The following MICAL3 variants were observed in gnomAD, a reference collection of about 807,000 sequenced individuals.
MICAL3 encodes [F-actin]-monooxygenase MICAL3.
MICAL3 carries 62 observed loss-of-function variants against 207.4 expected under a neutral mutation model. The observed-to-expected ratio is 0.30, with a 90% CI of 0.24 to 0.37. MICAL3 has a LOEUF of 0.37. Among genes scored for constraint, MICAL3 ranks in the 10% least tolerant of loss-of-function variants. The probability of loss-of-function intolerance (pLI) is 1.00; values close to 1 mark genes in which losing one functional copy is unlikely to be tolerated. For missense variants in MICAL3, 2,368 were observed against 2,635.6 expected (o/e 0.90, Z 2.22); for synonymous variants, 1,077 against 1,069.3 (o/e 1.01, Z -0.14).
In MICAL3 at chr22:18,020,613, T is replaced by TAAAAAAA. The variant is rs55654559; in HGVS notation, c.-75+3661_-75+3667dup. On this transcript the variant is annotated intron_variant, in intron 1 of 31. Transcript: ENST00000441493. ...AAAATGGCTGTAAACCTTTAAAAAG[T>TAAAAAAA]AAAAAAAAAAAAAAAAAAATAGGCT... Among the ~76,000 whole-genome samples, 1,193 of 119,664 alleles carry TAAAAAAA rather than the reference T, an allele frequency of 1.0e-2. 28 individuals carry two copies. The highest frequency in any genetic ancestry group is 0.017 in the Middle Eastern group (4 of 230). The allele number at this position is 119,664 out of a possible 152,430, so 78.5% of individuals were successfully genotyped here.
intron 19 of MICAL3, among the ~76,000 whole-genome samples, chr22:17,845,741 A>G (rs1473850842): frequency 1.3e-5 from 2 of 152,220 alleles, no homozygotes; most frequent in African/African-American, 4.8e-5. Context: ...TACAACAAGA[A>G]GAAAAACCAG....
At chr22:17,961,620 C>T (rs1029006433) in intron 1 of MICAL3, among the ~76,000 whole-genome samples, 6 of 152,212 alleles carry the variant, frequency 3.9e-5, no homozygotes, top group Non-Finnish European at 7.3e-5. Flanking sequence ...CTCCTGGAGT[C>T]CCCTTCCCAC....
At chr22:17,843,059 T>C (rs12160595) in intron 19 of MICAL3, among the ~76,000 whole-genome samples, 3,681 of 143,070 alleles carry the variant, frequency 0.026, 165 homozygotes, top group African/African-American at 0.091. Context: ...AGGCGGAGCT[T>C]GCAGTGAACC....
chr22:17,807,339 C>A (rs541315949), intron 29 of MICAL3, among the ~76,000 whole-genome samples: 2 of 152,206 alleles, frequency 1.3e-5, no homozygotes, highest in African/African-American at 4.8e-5. Context: ...CAGAGCAGGG[C>A]AGGGGGGCAG....
intron 20 of MICAL3, chr22:17,834,577 T>A: frequency 8.9e-7 from 1 of 1,128,854 alleles, no homozygotes. Context: ...AAAAATAAAT[T>A]AAAAATAACA....
intron 1 of MICAL3, among the ~76,000 whole-genome samples, chr22:17,988,418 C>A (rs377154407): frequency 9.9e-6 from 1 of 100,620 alleles, no homozygotes; most frequent in Admixed American, 1.1e-4. Flanking sequence ...CAGATCCAGC[C>A]TGCAGGCCAA....
At chr22:17,883,367 C>T (rs903696318) in intron 16 of MICAL3, among the ~76,000 whole-genome samples, 4 of 152,112 alleles carry the variant, frequency 2.6e-5, no homozygotes, top group Non-Finnish European at 5.9e-5. Flanking sequence ...ACATTTTTGC[C>T]TGAATGTAAG....
intron 1 of MICAL3, among the ~76,000 whole-genome samples, chr22:17,967,481 CACA>C (rs1569150667): frequency 3.0e-5 from 4 of 134,186 alleles, no homozygotes; most frequent in Non-Finnish European, 6.3e-5. Flanking sequence ...CACACACACA[CACA>C]CACACACACC....
At chr22:17,921,997 G>A (rs1375985150) in intron 1 of MICAL3, among the ~76,000 whole-genome samples, 1 of 152,030 alleles carries the variant, frequency 6.6e-6, no homozygotes, top group Non-Finnish European at 1.5e-5. Flanking sequence ...ACACTTTTAC[G>A]TGTTCCTCAC....
At chr22:17,929,543 A>AT (rs1190933999) in intron 1 of MICAL3, among the ~76,000 whole-genome samples, 3 of 123,134 alleles carry the variant, frequency 2.4e-5, no homozygotes, top group African/African-American at 9.0e-5. Context: ...GCTCTATTTC[A>AT]TTTTTCTTTC....
chr22:17,816,296 A>G (rs1172444318), intron 27 of MICAL3, among the ~76,000 whole-genome samples: 1 of 152,200 alleles, frequency 6.6e-6, no homozygotes, highest in African/African-American at 2.4e-5. Context: ...CTCTGTGCCT[A>G]AGGTCCCAGC....
chr22:17,981,080 G>T, intron 1 of MICAL3: 2 of 311,320 alleles, frequency 6.4e-6, no homozygotes, highest in South Asian at 2.6e-5. Flanking sequence ...ACATGTGCAT[G>T]TATTTATATG....
intron 19 of MICAL3, among the ~76,000 whole-genome samples, chr22:17,842,990 G>A (rs900307807): frequency 2.6e-5 from 4 of 151,846 alleles, no homozygotes; most frequent in African/African-American, 4.8e-5. Flanking sequence ...GCACGGTGGC[G>A]GGCGCCTGTA....
chr22:17,995,482 TTTTC>T (rs1396638469), intron 1 of MICAL3, among the ~76,000 whole-genome samples: 18 of 147,466 alleles, frequency 1.2e-4, no homozygotes, highest in East Asian at 4.0e-4. Context: ...GCACCCAGCC[TTTTC>T]TTTAATTTTT....
intron 1 of MICAL3, among the ~76,000 whole-genome samples, chr22:17,940,457 T>C (rs1933755259): frequency 6.6e-6 from 1 of 152,138 alleles, no homozygotes; most frequent in African/African-American, 2.4e-5. Flanking sequence ...ATAAGAAAAC[T>C]GATTCTGATG....
chr22:17,896,935 T>C lies in MICAL3; in HGVS notation c.995A>G (p.Gln332Arg), dbSNP rs770808223. ...ELLLSRENVD[Q>R]EALLSYAREA... Reference sequence around the variant, plus strand: ...CCTGGCATAGCTGAGCAGAGCCTCCTGGTCCACGTTTTCTCGGGAAAGCAG... The same window carrying C: ...CCTGGCATAGCTGAGCAGAGCCTCCCGGTCCACGTTTTCTCGGGAAAGCAG... Residue 332 changes from glutamine to arginine, a missense_variant, in exon 8 of 32, where the codon CAG becomes CGG. Gln to Arg is a conservative substitution (Grantham distance 43). Coordinates refer to ENST00000441493, the MANE Select transcript of MICAL3 (RefSeq NM_015241.3). 4 of 1,613,794 alleles carry C rather than the reference T, an allele frequency of 2.5e-6. No homozygotes were observed. The African/African-American group carries it at 5.3e-5, about 22-fold the overall frequency.
intron 13 of MICAL3, among the ~76,000 whole-genome samples, chr22:17,888,678 T>TA (rs757643087): frequency 3.9e-5 from 6 of 152,090 alleles, no homozygotes; most frequent in Non-Finnish European, 8.8e-5. Context: ...TATAACCCGT[T>TA]ACAAAGTTTG....
chr22:18,000,002 G>A (rs908349972), intron 1 of MICAL3, among the ~76,000 whole-genome samples: 1 of 152,180 alleles, frequency 6.6e-6, no homozygotes, highest in Non-Finnish European at 1.5e-5. Flanking sequence ...ATGTGCTCAC[G>A]GGAGAAGGTA....
At chr22:17,944,332 A>T (rs757822682) in intron 1 of MICAL3, among the ~76,000 whole-genome samples, 1 of 152,168 alleles carries the variant, frequency 6.6e-6, no homozygotes, top group Non-Finnish European at 1.5e-5. Flanking sequence ...CCAAGGTTAG[A>T]ATATGCAAGG....
Sources: gnomAD v4.1 joint callset for allele counts (sites outside exome capture counted in the v4.1 genomes callset) on GRCh38, gnomAD v4.1.1 for gene constraint, MANE v1.5 for transcripts, NCBI Gene and HGNC (gene_info 2026-07-23, HGNC 2026-07-21) for gene names.